GPR21: variants seen among roughly 807,000 people sequenced by gnomAD.
The protein encoded by GPR21 is G protein-coupled receptor 21, also known as probable G protein-coupled receptor 21.
A neutral mutation model predicts 21.5 loss-of-function variants in GPR21; 9 were observed. The observed-to-expected ratio is 0.42, with a 90% CI of 0.25 to 0.73. The LOEUF (loss-of-function observed/expected upper bound fraction) is 0.73, where lower values mean the gene tolerates loss of function less well. GPR21 is among the 30% of genes least tolerant of loss of function. GPR21 has a pLI of 0.27. For synonymous variants in GPR21, 169 were observed against 159.3 expected (o/e 1.06, Z -0.46); for missense variants, 416 against 428.9 (o/e 0.97, Z 0.27).
chr9:123,047,510 A>T, the GPR21 span, among the ~76,000 whole-genome samples: 1 of 152,174 alleles, frequency 6.6e-6, no homozygotes, highest in Non-Finnish European at 1.5e-5. Flanking sequence ...CTATGTGCTG[A>T]TAAGTTTTAA....
the GPR21 span, among the ~76,000 whole-genome samples, chr9:123,047,931 T>TC: frequency 2.8e-5 from 2 of 72,124 alleles, no homozygotes; most frequent in Non-Finnish European, 4.6e-5. Context: ...TTTTTTTTTT[T>TC]TTTTTTTTTT....
At chr9:123,045,833 T>C in the GPR21 span, among the ~76,000 whole-genome samples, 1 of 152,182 alleles carries the variant, frequency 6.6e-6, no homozygotes, top group Non-Finnish European at 1.5e-5. Flanking sequence ...TAATACTACC[T>C]CATTAGAATT....
At chr9:123,047,255 G>T in the GPR21 span, among the ~76,000 whole-genome samples, 2 of 152,100 alleles carry the variant, frequency 1.3e-5, no homozygotes, top group Non-Finnish European at 2.9e-5. Context: ...ATGTTTGTTC[G>T]AGGAGGTAAA....
the GPR21 span, among the ~76,000 whole-genome samples, chr9:123,044,916 G>T: frequency 4.6e-5 from 7 of 152,070 alleles, no homozygotes; most frequent in Admixed American, 1.3e-4. Flanking sequence ...AGAATTAAAG[G>T]AACCCAAAGG....
At position 123,034,706 on chromosome 9, in the gene GPR21, T is replaced by G. The variant is rs575159800; in HGVS notation, c.140T>G (p.Ile47Ser). Residue 47 changes from isoleucine (I) to serine (S), a missense_variant, in exon 2 of 2, where the codon ATC (isoleucine) becomes AGC (serine). Ile to Ser is a moderately radical substitution (Grantham distance 142, BLOSUM62 -2). Coordinates refer to ENST00000616002, the MANE Select transcript of GPR21 (RefSeq NM_005294.3). The part of the protein sequence containing the change: ...FLTVLIISGN[I>S]IVIFVFHCAP... ...ACTGTATTGATTATTTCTGGCAACA[T>G]CATTGTGATTTTTGTATTTCACTGT... The G allele has an allele frequency of 6.2e-7, 1 of 1,613,572 alleles. No homozygotes were observed. Among genetic ancestry groups the G allele is most frequent in the South Asian group, 1.1e-5 (1 of 91,082 alleles).
At chr9:123,040,130 AG>A (rs2032881115), downstream of GPR21, among the ~76,000 whole-genome samples, 1 of 152,146 alleles carries the variant, frequency 6.6e-6, no homozygotes, top group Non-Finnish European at 1.5e-5. Context: ...TATAGTCTTT[AG>A]GTGTTTCTTG....
chr9:123,046,837 T>G, the GPR21 span, among the ~76,000 whole-genome samples: 1 of 152,196 alleles, frequency 6.6e-6, no homozygotes, highest in East Asian at 1.9e-4. Flanking sequence ...TTAAGACTTC[T>G]GAGAAAATGA....
At chr9:123,047,473 C>T in the GPR21 span, among the ~76,000 whole-genome samples, 5 of 152,084 alleles carry the variant, frequency 3.3e-5, no homozygotes, top group African/African-American at 9.7e-5. Context: ...TACATAGATA[C>T]TAATATACTT....
At chr9:123,038,535 T>C (rs2032789673), downstream of GPR21, among the ~76,000 whole-genome samples, 1 of 152,106 alleles carries the variant, frequency 6.6e-6, no homozygotes, top group Non-Finnish European at 1.5e-5. Flanking sequence ...AGGAATTGTT[T>C]TAATTTCACT....
the GPR21 span, among the ~76,000 whole-genome samples, chr9:123,041,726 C>G: frequency 1.3e-5 from 2 of 152,152 alleles, no homozygotes; most frequent in Non-Finnish European, 2.9e-5. Flanking sequence ...GAGCTGCTTT[C>G]TAAAGTCAAA....
At chr9:123,043,335 A>G in the GPR21 span, among the ~76,000 whole-genome samples, 1 of 152,236 alleles carries the variant, frequency 6.6e-6, no homozygotes, top group Non-Finnish European at 1.5e-5. Context: ...AAATAGGAGC[A>G]GGAACAAAGA....
chr9:123,043,082 G>A, the GPR21 span, among the ~76,000 whole-genome samples: 17 of 152,286 alleles, frequency 1.1e-4, no homozygotes, highest in East Asian at 3.3e-3. Context: ...TGTCATTCAA[G>A]TGTGAGGGTA....
At position 123,035,221 on chromosome 9, in the gene GPR21, C is replaced by A; in HGVS notation, c.655C>A (p.Gln219Lys). 1.2e-6 allele frequency: 2 copies of A among 1,614,158 alleles called. No individual in the cohort carries two copies. The highest frequency in any genetic ancestry group is 1.7e-6 in the Non-Finnish European group (2 of 1,180,034). The change falls in exon 2 of 2, where the codon CAA (glutamine) becomes AAA (lysine). Residue 219 changes from glutamine to lysine, a missense_variant. Physicochemically the swap from Gln to Lys is moderately conservative, Grantham distance 53 (BLOSUM62 1). Coordinates refer to ENST00000616002, the MANE Select transcript of GPR21 (RefSeq NM_005294.3). ...FTYFNIFRIC[Q>K]QHTKDISERQ... Reference sequence around the variant, plus strand: ...CTATTTCAACATCTTCCGCATCTGCCAACAGCACACAAAGGATATCAGCGA... The same window carrying A: ...CTATTTCAACATCTTCCGCATCTGCAAACAGCACACAAAGGATATCAGCGA...
the GPR21 span, among the ~76,000 whole-genome samples, chr9:123,040,930 G>A: frequency 1.3e-5 from 2 of 152,164 alleles, no homozygotes; most frequent in Admixed American, 1.3e-4. Context: ...CAGCCCAGTG[G>A]CCACTGGGTT....
Position 123,035,261 on chromosome 9 carries a change from TCAG to T in GPR21, c.700_702del (p.Ser234del), listed in dbSNP as rs1207012621. On this transcript the variant is annotated inframe_deletion, in exon 2 of 2. Coordinates refer to ENST00000616002, the MANE Select transcript of GPR21 (RefSeq NM_005294.3). ...GATATCAGCGAAAGGCAAGCCCGCT[TCAG>T]CAGCCAGAGTGGGGAGACTGGGGAA... The T allele has an allele frequency of 1.2e-6, 2 of 1,614,198 alleles. No individual in the cohort carries two copies. Among genetic ancestry groups the T allele is most frequent in the East Asian group, 4.5e-5 (2 of 44,888 alleles).
chr9:123,045,218 T>C, the GPR21 span, among the ~76,000 whole-genome samples: 11 of 152,214 alleles, frequency 7.2e-5, no homozygotes, highest in African/African-American at 2.2e-4. Flanking sequence ...ACAAAAGTTA[T>C]AGCATTTAAA....
Position 123,035,231 on chromosome 9 carries a change from C to G in GPR21, c.665C>G (p.Thr222Arg), listed in dbSNP as rs776038140. 1.9e-6 allele frequency: 3 copies of G among 1,614,046 alleles called. No individual in the cohort carries two copies. In the African/African-American group the frequency reaches 4.0e-5, roughly 22 times the overall value. ...FNIFRICQQH[T>R]KDISERQARF... ...ATCTTCCGCATCTGCCAACAGCACACAAAGGATATCAGCGAAAGGCAAGCC... is the reference window on the plus strand; with the variant it reads ...ATCTTCCGCATCTGCCAACAGCACAGAAAGGATATCAGCGAAAGGCAAGCC... The change falls in exon 2 of 2, where the codon ACA becomes AGA. Residue 222 changes from threonine to arginine, a missense_variant. Coordinates refer to ENST00000616002, the MANE Select transcript of GPR21 (RefSeq NM_005294.3).
the GPR21 span, among the ~76,000 whole-genome samples, chr9:123,043,872 C>G: frequency 2.0e-5 from 3 of 150,558 alleles, no homozygotes; most frequent in East Asian, 5.8e-4. Context: ...ACTGTTTGAC[C>G]TTTTCACTTA....
chr9:123,035,540 C>G lies in GPR21; in HGVS notation c.974C>G (p.Ser325Cys). ...LKRLSGAMCT[S>C]CASQTTANDP... ...CGCCTCTCAGGGGCTATGTGTACTT[C>G]TTGTGCAAGTCAGACTACAGCCAAC... Residue 325 changes from serine (S) to cysteine (C), a missense_variant, in exon 2 of 2, where the codon TCT (serine) becomes TGT (cysteine). Physicochemically the swap from Ser to Cys is moderately radical, Grantham distance 112. Transcript: ENST00000616002. 6.2e-7 allele frequency: 1 copy of G among 1,613,942 alleles called. No individual in the cohort carries two copies. The highest frequency in any genetic ancestry group is 8.5e-7 in the Non-Finnish European group (1 of 1,179,942).
Sources: allele counts gnomAD v4.1 joint callset (sites outside exome capture counted in the v4.1 genomes callset), GRCh38; gene constraint gnomAD v4.1.1; transcripts MANE v1.5; gene names NCBI Gene and HGNC (gene_info 2026-07-23, HGNC 2026-07-21).